VPS26C: variants seen among roughly 807,000 people sequenced by gnomAD.
VPS26C encodes the protein vacuolar protein sorting-associated protein 26C.
In VPS26C, 19 loss-of-function variants were observed where a neutral mutation model predicts 30.6. The observed-to-expected ratio is 0.62, with a 90% CI of 0.43 to 0.91. The LOEUF is 0.91. Among genes scored for constraint, VPS26C ranks in the 40% least tolerant of loss-of-function variants. VPS26C has a pLI of 0.00. For synonymous variants in VPS26C, 132 were observed against 151.5 expected, an observed-to-expected ratio of 0.87 and a Z score of 0.95; for missense variants, 318 against 385.1, an observed-to-expected ratio of 0.83 and a Z score of 1.46.
chr21:37,225,549 T>A lies in VPS26C; in HGVS notation c.889A>T (p.Ile297Leu), dbSNP rs775013264. The A allele has an allele frequency of 6.8e-5, 110 of 1,613,938 alleles. No individual in the cohort carries two copies. The highest frequency in any genetic ancestry group is 1.3e-5 in the African/African-American group (1 of 74,940). ...CTATGCTTCCCTCCTCCGGGCTATA[T>A]CCTGCAGAGCTTCAGCGGGAAGTTC... ...TENFPLKLCR[I>L] Residue 297 changes from isoleucine to leucine, a missense_variant, in exon 8 of 8, where the codon ATA (isoleucine) becomes TTA (leucine). By Grantham distance (5) the Ile-to-Leu change is conservative. Coordinates refer to ENST00000309117, the MANE Select transcript of VPS26C (RefSeq NM_006052.2).
intron 3 of VPS26C, among the ~76,000 whole-genome samples, chr21:37,234,082 TGCCCTGG>T (rs541156267): frequency 2.0e-5 from 3 of 152,372 alleles, no homozygotes; most frequent in Admixed American, 2.0e-4. Context: ...TGCATAGCAC[TGCCCTGG>T]GCACCAGAGC....
chr21:37,238,164 T>TA (rs1222527057), intron 3 of VPS26C: 2 of 347,728 alleles, frequency 5.8e-6, no homozygotes, highest in Non-Finnish European at 1.0e-5. Flanking sequence ...GCATATCTGT[T>TA]ACCAGACAAT....
At chr21:37,250,507 C>T (rs1158434640) in intron 1 of VPS26C, among the ~76,000 whole-genome samples, 1 of 152,048 alleles carries the variant, frequency 6.6e-6, no homozygotes, top group Non-Finnish European at 1.5e-5. Flanking sequence ...TGACTATGAA[C>T]AATACCACTA....
At chr21:37,267,047 C>T in intron 1 of VPS26C, 191 bp downstream of exon 1, 1 of 643,912 alleles carries the variant, frequency 1.6e-6, no homozygotes, top group Admixed American at 2.5e-5. Flanking sequence ...CCTCGCAGGG[C>T]AGCCAGCCTC....
chr21:37,231,739 T>A (rs1282583112), intron 5 of VPS26C: 1 of 152,692 alleles, frequency 6.5e-6, no homozygotes, highest in Non-Finnish European at 1.5e-5. Flanking sequence ...CCAGGCAGAG[T>A]TTTGGACGGG....
At chr21:37,239,017 C>T (rs918455783) in intron 2 of VPS26C, among the ~76,000 whole-genome samples, 5 of 152,176 alleles carry the variant, frequency 3.3e-5, no homozygotes, top group Admixed American at 6.5e-5. Context: ...TTCTGGGCAG[C>T]GCTGCCTCTG....
At chr21:37,229,649 ATTC>A (rs1394983269) in intron 5 of VPS26C, among the ~76,000 whole-genome samples, 1 of 152,222 alleles carries the variant, frequency 6.6e-6, no homozygotes. Context: ...GATGTTTTAC[ATTC>A]TTCTTTTCAT....
rs2085898783 is a variant in VPS26C at position 37,226,299 on chromosome 21, G to C, written c.812-673C>G. ...ATCGTGTGGGCAGAGGGCACCCTGT[G>C]CTGAGCCCCACACTGTGGCAGCTCA... On this transcript the variant is annotated intron_variant, in intron 7 of 7. Coordinates refer to ENST00000309117, the MANE Select transcript of VPS26C (RefSeq NM_006052.2). This position sits in a 1 kb window ranked among gnomAD's most constrained non-coding sequence, Gnocchi z 4.1. 6.5e-6 allele frequency: 1 copy of C among 152,960 alleles called. No homozygotes were observed. The highest frequency in any genetic ancestry group is 6.5e-5 in the Admixed American group (1 of 15,416). The allele number at this position is 152,960 out of a possible 1,614,324, so 9.5% of individuals were successfully genotyped here. A position where few individuals can be genotyped will look rare whatever the true frequency, so the allele number is the denominator to read the frequency against.
intron 3 of VPS26C, chr21:37,237,322 T>G (rs912274856): frequency 1.3e-5 from 2 of 152,228 alleles, no homozygotes; most frequent in African/African-American, 4.8e-5. Flanking sequence ...TCGATACTGA[T>G]TCTGGGTAGA....
rs1569229114 is a variant in VPS26C, at chr21:37,225,313, A to G, written c.*231T>C. On this transcript the variant is annotated 3_prime_UTR_variant, in exon 8 of 8. Coordinates refer to ENST00000309117, the MANE Select transcript of VPS26C (RefSeq NM_006052.2). ...CTGTGAAATGGTCTTGGCAAATAGC[A>G]TTAAGAAATCTTGTTGAATTTCAAA... The G allele has an allele frequency of 3.6e-6, 2 of 558,802 alleles. No homozygotes were observed. The highest frequency in any genetic ancestry group is 6.0e-5 in the Admixed American group (2 of 33,334). 34.6% of individuals were successfully genotyped at this position (558,802 alleles called of 1,614,324 possible).
upstream of VPS26C, chr21:37,267,912 C>T (rs935786533): frequency 6.5e-6 from 1 of 153,386 alleles, no homozygotes; most frequent in African/African-American, 2.4e-5. Context: ...GCACCCTGCC[C>T]TTCCCGCGGG....
At position 37,267,224 on chromosome 21, in the gene VPS26C, C is replaced by CCCCCAAA; in HGVS notation, c.57+13_57+14insTTTGGGG. 1 of 1,541,550 alleles carries CCCCCAAA rather than the reference C, an allele frequency of 6.5e-7. No homozygotes were observed. Among genetic ancestry groups the CCCCCAAA allele is most frequent in the Non-Finnish European group, 8.9e-7 (1 of 1,118,028 alleles). On this transcript the variant is annotated intron_variant, in intron 1 of 7. Transcript: ENST00000309117. ...CCAACCCCACCTCCATCCCCACCCC[C>CCCCCAAA]AGCCCCCACTTACCCCGGCGTGATA...
At position 37,227,670 on chromosome 21, in the gene VPS26C, G is replaced by A; in HGVS notation, c.795C>T (p.Thr265=). 1 of 1,614,008 alleles carries A rather than the reference G, an allele frequency of 6.2e-7. No homozygotes were observed. Among genetic ancestry groups the A allele is most frequent in the Non-Finnish European group, 8.5e-7 (1 of 1,179,876 alleles). The change falls in exon 7 of 8, where the codon ACC becomes ACT. Residue 265 remains threonine, a synonymous_variant. Coordinates refer to ENST00000309117, the MANE Select transcript of VPS26C (RefSeq NM_006052.2). ...PRLFTCPTLE[T]TNFKVEFEVN... ...GCCACTTACCCACTTTGAAGTTGGTGGTCTCCAGTGTAGGGCAGGTGAACA... is the reference window on the plus strand; with the variant it reads ...GCCACTTACCCACTTTGAAGTTGGTAGTCTCCAGTGTAGGGCAGGTGAACA...
intron 2 of VPS26C, among the ~76,000 whole-genome samples, chr21:37,239,694 C>G (rs2086065003): frequency 6.6e-6 from 1 of 151,822 alleles, no homozygotes; most frequent in African/African-American, 2.4e-5. Context: ...ACCTCTGCCT[C>G]CTGGGTTCAA....
chr21:37,260,386 A>T (rs979776849), intron 1 of VPS26C, among the ~76,000 whole-genome samples: 1 of 152,216 alleles, frequency 6.6e-6, no homozygotes, highest in Admixed American at 6.5e-5. Flanking sequence ...TGGAAACAGA[A>T]GTCAAGTTTT....
Position 37,257,699 on chromosome 21 carries a change from G to T in VPS26C, c.57+9539C>A, listed in dbSNP as rs556397896. 6.6e-6 allele frequency among the ~76,000 whole-genome samples: 1 copy of T among 152,280 alleles called. No homozygotes were observed. Among genetic ancestry groups the T allele is most frequent in the Admixed American group, 6.5e-5 (1 of 15,300 alleles). ...CACAACCCTGCCTTGCTCATGGTCA[G>T]CCCCAAGCACGGGCGGAAGAAAGGA... On this transcript the variant is annotated intron_variant, in intron 1 of 7. Coordinates refer to ENST00000309117, the MANE Select transcript of VPS26C (RefSeq NM_006052.2). The surrounding 1 kb of genome is among the most constrained non-coding windows in gnomAD (Gnocchi z 4.2).
upstream of VPS26C, chr21:37,267,720 A>T (rs1215611225): frequency 8.5e-6 from 2 of 235,278 alleles, no homozygotes; most frequent in East Asian, 1.3e-4. Context: ...AGGAAGGATG[A>T]CGCTCCCGTC....
chr21:37,251,295 G>A (rs9976183), intron 1 of VPS26C, among the ~76,000 whole-genome samples: 1 of 152,120 alleles, frequency 6.6e-6, no homozygotes, highest in African/African-American at 2.4e-5. Context: ...AAAGATGGTC[G>A]ACAAACTAAA....
chr21:37,260,656 C>T (rs556971787), intron 1 of VPS26C, among the ~76,000 whole-genome samples: 3 of 152,166 alleles, frequency 2.0e-5, no homozygotes, highest in African/African-American at 7.2e-5. Context: ...GGATGAAGAC[C>T]CTGGAAAATC....
Sources: gnomAD v4.1 joint callset for allele counts (sites outside exome capture counted in the v4.1 genomes callset) on GRCh38, gnomAD v4.1.1 for gene constraint, Gnocchi (gnomAD v3.1) non-coding constraint, MANE v1.5 for transcripts, NCBI Gene and HGNC (gene_info 2026-07-23, HGNC 2026-07-21) for gene names.